Variants in CNOT2 observed in about 807,000 individuals in gnomAD.
The protein encoded by CNOT2 is CCR4-NOT transcription complex subunit 2.
Under a neutral mutation model 72.1 loss-of-function variants are expected in CNOT2, and 7 were observed. The observed-to-expected ratio is 0.10, with a 90% CI of 0.06 to 0.18. CNOT2 has a LOEUF of 0.18. CNOT2 is among the 10% of genes least tolerant of loss of function. The pLI, the probability that CNOT2 is intolerant of heterozygous loss-of-function variation, is 1.00. For synonymous variants in CNOT2, 196 were observed against 225.6 expected (o/e 0.87, Z 1.17); for missense variants, 345 against 660.3 (o/e 0.52, Z 5.23).
At chr12:70,248,078 C>T (rs887642196) in intron 1 of CNOT2, among the ~76,000 whole-genome samples, 2 of 152,142 alleles carry the variant, frequency 1.3e-5, no homozygotes, top group East Asian at 1.9e-4. Context: ...GTATTTCTTG[C>T]ATTTCTCGCT....
chr12:70,347,632 C>CAA (rs552686712), intron 15 of CNOT2: 23 of 106,172 alleles, frequency 2.2e-4, no homozygotes, highest in African/African-American at 6.2e-4. Context: ...GACTCCGTCT[C>CAA]AAAAAAAAAA....
In CNOT2 at chr12:70,335,443, A is replaced by C; in HGVS notation, c.655A>C (p.Ser219Arg). 6.3e-7 allele frequency: 1 copy of C among 1,599,716 alleles called. No individual in the cohort carries two copies. The highest frequency in any genetic ancestry group is 8.6e-7 in the Non-Finnish European group (1 of 1,167,478). ...SSNIFNGTDG[S>R]ENVTGLDLSD... is the part of the protein sequence containing the mutation. ...TGTCCTTTCTTATTATTTAGACGGA[A>C]GTGAAAATGTGACAGGATTGGACCT... Residue 219 changes from serine to arginine, a missense_variant, in exon 8 of 16, where the codon AGT becomes CGT. Coordinates refer to ENST00000229195, the MANE Select transcript of CNOT2 (RefSeq NM_014515.7).
chr12:70,341,737 A>G (rs752961324), intron 11 of CNOT2, among the ~76,000 whole-genome samples: 8 of 152,186 alleles, frequency 5.3e-5, no homozygotes, highest in Non-Finnish European at 1.2e-4. Context: ...ACACAAATAA[A>G]TGGGAAATTT....
At chr12:70,327,004 T>TG (rs1399009644) in intron 4 of CNOT2, among the ~76,000 whole-genome samples, 1 of 151,904 alleles carries the variant, frequency 6.6e-6, no homozygotes, top group Non-Finnish European at 1.5e-5. Flanking sequence ...GTTTTTTTGC[T>TG]GGTCAGATAA....
chr12:70,335,590 G>C (rs757502017), intron 8 of CNOT2, 27 bp downstream of exon 8: 4 of 1,584,966 alleles, frequency 2.5e-6, no homozygotes, highest in Non-Finnish European at 3.5e-6. Flanking sequence ...ATGATGGCCA[G>C]TAGAAAGTTT....
At chr12:70,335,681 C>A in intron 8 of CNOT2, 118 bp downstream of exon 8, 2 of 696,852 alleles carry the variant, frequency 2.9e-6, no homozygotes, top group Non-Finnish European at 4.7e-6. Context: ...TTTGCATTTT[C>A]TAATCAGGTT....
chr12:70,306,009 G>A (rs1223843581), intron 2 of CNOT2, among the ~76,000 whole-genome samples: 1 of 151,200 alleles, frequency 6.6e-6, no homozygotes, highest in Non-Finnish European at 1.5e-5. Context: ...AATAATGAAG[G>A]AGGAATATAC....
intron 2 of CNOT2, among the ~76,000 whole-genome samples, chr12:70,288,958 TTTTC>T (rs1456304707): frequency 2.0e-5 from 3 of 152,072 alleles, no homozygotes; most frequent in African/African-American, 7.2e-5. Context: ...CTTTTTCTCT[TTTTC>T]TTCCCATCTT....
rs76608892 is a variant in CNOT2, at chr12:70,325,876, T to G, written c.239-3547T>G. ...AGGGGACTTTATTTAAGTATGAATATTCAGGGATTTGGTTGCTATGATTTT... is the reference window on the plus strand; with the variant it reads ...AGGGGACTTTATTTAAGTATGAATAGTCAGGGATTTGGTTGCTATGATTTT... On this transcript the variant is annotated intron_variant, in intron 4 of 15. Transcript: ENST00000229195. Among the ~76,000 whole-genome samples, 268 of 151,964 alleles carry G rather than the reference T, an allele frequency of 1.8e-3. 2 individuals are homozygous for G. The highest frequency in any genetic ancestry group is 6.1e-3 in the African/African-American group (253 of 41,516).
intron 11 of CNOT2, among the ~76,000 whole-genome samples, chr12:70,339,931 ACTT>A (rs1881270156): frequency 2.0e-5 from 3 of 152,186 alleles, no homozygotes; most frequent in Admixed American, 2.0e-4. Flanking sequence ...CATGCGTTCT[ACTT>A]ACAACACATT....
chr12:70,338,860 C>A (rs1222259983), intron 11 of CNOT2, 38 bp downstream of exon 11: 3 of 1,528,968 alleles, frequency 2.0e-6, no homozygotes, highest in Non-Finnish European at 2.7e-6. Context: ...GTATATAATA[C>A]CTCTTCAGAC....
At chr12:70,272,555 A>G (rs760640771) in intron 1 of CNOT2, among the ~76,000 whole-genome samples, 107 of 152,210 alleles carry the variant, frequency 7.0e-4, no homozygotes, top group Non-Finnish European at 1.3e-3. Flanking sequence ...ACCTATCATT[A>G]GTAATCACTA....
In CNOT2 at chr12:70,330,350, A is replaced by C. The variant is rs745322266; in HGVS notation, c.450A>C (p.Gly150=). The C allele has an allele frequency of 6.2e-7, 1 of 1,611,300 alleles. No homozygotes were observed. Among genetic ancestry groups the C allele is most frequent in the Admixed American group, 1.7e-5 (1 of 59,858 alleles). Residue 150 remains glycine, a synonymous_variant, in exon 6 of 16, where the codon GGA becomes GGC. Transcript: ENST00000229195. ...MNHSQVGQGI[G]IPSRTNSMSS... ...ACTCCCAGGTTGGTCAGGGCATTGG[A>C]ATTCCTAGCAGGACAAATAGCATGA...
At chr12:70,326,684 T>G (rs1879132715) in intron 4 of CNOT2, among the ~76,000 whole-genome samples, 1 of 151,884 alleles carries the variant, frequency 6.6e-6, no homozygotes, top group Non-Finnish European at 1.5e-5. Flanking sequence ...CTTTATGTTT[T>G]AAAGAAATTC....
rs538928112 is a variant in CNOT2, at chr12:70,260,916, G to T, written c.-95-17216G>T. Among the ~76,000 whole-genome samples the T allele has an allele frequency of 3.2e-4, 48 of 150,782 alleles. No homozygotes were observed. In the South Asian group the frequency reaches 9.8e-3, roughly 31 times the overall value. On this transcript the variant is annotated intron_variant, in intron 1 of 15. Transcript: ENST00000229195. The stretch of plus-strand genomic sequence containing the variant: ...TTTAGTACAGTATGAAATAGAAATG[G>T]CAATTCTGTTTAGTGGACAACCTTG...
At chr12:70,274,917 C>T (rs1868503771) in intron 1 of CNOT2, among the ~76,000 whole-genome samples, 1 of 151,190 alleles carries the variant, frequency 6.6e-6, no homozygotes, top group African/African-American at 2.4e-5. Flanking sequence ...TTTATCCATT[C>T]ACCTATTAAA....
intron 2 of CNOT2, among the ~76,000 whole-genome samples, chr12:70,302,601 T>C (rs1396488300): frequency 6.6e-6 from 1 of 152,242 alleles, no homozygotes; most frequent in Non-Finnish European, 1.5e-5. Context: ...TAATTTCTGA[T>C]CTTTTACATT....
At position 70,285,599 on chromosome 12, in the gene CNOT2, T is replaced by G. The variant is rs895664754; in HGVS notation, c.48+7325T>G. On this transcript the variant is annotated intron_variant, in intron 2 of 15. Coordinates refer to ENST00000229195, the MANE Select transcript of CNOT2 (RefSeq NM_014515.7). ...CTGATGGTGGCAGGTTAGTTTTTTG[T>G]TTTTTTTTTTAAATCTTTCTGAATT... 3.5e-5 allele frequency: 5 copies of G among 144,262 alleles called. No individual in the cohort carries two copies. The South Asian group carries it at 8.7e-4, about 25-fold the overall frequency. The allele number at this position is 144,262 out of a possible 1,614,324, so 8.9% of individuals were successfully genotyped here. A position where few individuals can be genotyped will look rare whatever the true frequency, so the allele number is the denominator to read the frequency against.
At chr12:70,321,248 C>G (rs1318796191) in intron 4 of CNOT2, among the ~76,000 whole-genome samples, 2 of 151,636 alleles carry the variant, frequency 1.3e-5, no homozygotes, top group Non-Finnish European at 2.9e-5. Context: ...TGTAATGTTT[C>G]AGGTCAGGGT....
Sources: allele counts gnomAD v4.1 joint callset (sites outside exome capture counted in the v4.1 genomes callset), GRCh38; gene constraint gnomAD v4.1.1; transcripts MANE v1.5; gene names NCBI Gene and HGNC (gene_info 2026-07-23, HGNC 2026-07-21).